The following INTS1 variants were observed in gnomAD, a reference collection of about 807,000 sequenced individuals.
INTS1 encodes integrator complex subunit 1.
Under a neutral mutation model 241.6 loss-of-function variants are expected in INTS1, and 137 were observed. The ratio of observed to expected loss-of-function variants is 0.57; its 90% CI spans 0.49 to 0.65. The LOEUF (loss-of-function observed/expected upper bound fraction) is 0.65, where lower values mean the gene tolerates loss of function less well. Among genes scored for constraint, INTS1 ranks in the 30% least tolerant of loss-of-function variants. The probability of loss-of-function intolerance (pLI) is 0.00; values close to 1 mark genes in which losing one functional copy is unlikely to be tolerated. For missense variants in INTS1, 3,073 were observed against 3,032.2 expected (o/e 1.01, Z -0.32); for synonymous variants, 1,692 against 1,337.8 (o/e 1.26, Z -5.78).
chr7:1,489,025 A>G (rs10230455), intron 18 of INTS1, among the ~76,000 whole-genome samples: 81,517 of 151,592 alleles, frequency 0.54, 23,707 homozygotes, highest in African/African-American at 0.77. Context: ...GTCCTCCAGC[A>G]TCGCACCACC....
rs1323422416 is a variant in INTS1 at position 1,471,227 on chromosome 7, G to A, written c.6256-3C>T. 1 of 1,573,438 alleles carries A rather than the reference G, an allele frequency of 6.4e-7. No homozygotes were observed. Among genetic ancestry groups the A allele is most frequent in the African/African-American group, 1.3e-5 (1 of 74,092 alleles). The stretch of plus-strand genomic sequence containing the variant: ...CTCATCAGCCGCTGCAGGTTGGTCT[G>A]ACCGGGGGAAAGGTGGGAGGTGTGT... On this transcript the variant is annotated splice_polypyrimidine_tract_variant and splice_region_variant and intron_variant, in intron 45 of 47. Coordinates refer to ENST00000404767, the MANE Select transcript of INTS1 (RefSeq NM_001080453.3).
intron 20 of INTS1, 48 bp downstream of exon 20, chr7:1,487,272 G>A (rs563877253): frequency 2.6e-5 from 40 of 1,553,142 alleles, no homozygotes; most frequent in Middle Eastern, 1.7e-4. Context: ...GGAAGGTTCC[G>A]GGCCTCCCAA....
intron 29 of INTS1, 31 bp from the exon 30 acceptor site, chr7:1,480,472 G>A: frequency 6.2e-7 from 1 of 1,604,506 alleles, no homozygotes; most frequent in Non-Finnish European, 8.5e-7. Flanking sequence ...TCAGTGGCTG[G>A]ACACTTTCTG....
intron 16 of INTS1, among the ~76,000 whole-genome samples, chr7:1,490,472 A>G (rs768465496): frequency 7.9e-5 from 12 of 152,124 alleles, no homozygotes; most frequent in African/African-American, 9.7e-5. Flanking sequence ...AAAGGGTGTC[A>G]GCTCCGGATA....
At chr7:1,487,598 C>T (rs1027929288) in intron 19 of INTS1, 149 bp from the exon 20 acceptor site, 52 of 1,285,170 alleles carry the variant, frequency 4.0e-5, no homozygotes, top group Non-Finnish European at 5.4e-5. Context: ...GGCCTGGCCC[C>T]ACAGCAGTAA....
In INTS1 at chr7:1,495,431, A is replaced by C. The variant is rs1424172146; in HGVS notation, c.1832+2T>G. On this transcript the variant is annotated splice_donor_variant, in intron 13 of 47. Coordinates refer to ENST00000404767, the MANE Select transcript of INTS1 (RefSeq NM_001080453.3). LOFTEE classifies it high-confidence loss of function. ...AGGGGCTGTACAGGGCCCCAGCCGC[A>C]CCAGTGCACGTAGTCCTTAGGGGCG... The C allele has an allele frequency of 6.2e-7, 1 of 1,608,368 alleles. No individual in the cohort carries two copies. Among genetic ancestry groups the C allele is most frequent in the South Asian group, 1.1e-5 (1 of 90,962 alleles).
intron 8 of INTS1, 27 bp downstream of exon 8, chr7:1,498,938 CCCCTGCCCCG>C: frequency 7.1e-7 from 1 of 1,407,472 alleles, no homozygotes; most frequent in Non-Finnish European, 9.7e-7. Context: ...CTGCCCCCAC[CCCCTGCCCCG>C]CCCACCCCCC....
At chr7:1,471,767 G>T in intron 44 of INTS1, 126 bp from the exon 45 acceptor site, 1 of 816,286 alleles carries the variant, frequency 1.2e-6, no homozygotes, top group Non-Finnish European at 2.0e-6. Flanking sequence ...GAAAGCATGA[G>T]CCCAGTGACG....
chr7:1,480,227 T>C (rs1271403267), intron 30 of INTS1, 90 bp downstream of exon 30: 2 of 1,441,642 alleles, frequency 1.4e-6, no homozygotes, highest in East Asian at 4.9e-5. Context: ...GTCACGCAAG[T>C]AAAGGCCGCT....
chr7:1,492,211 G>A (rs1035580371), intron 16 of INTS1, among the ~76,000 whole-genome samples: 2 of 152,240 alleles, frequency 1.3e-5, no homozygotes, highest in Admixed American at 6.5e-5. Context: ...CAGCAGGGGA[G>A]CGGAAGCAGC....
At chr7:1,503,305 AG>A in intron 2 of INTS1, 114 bp from the exon 3 acceptor site, 1 of 1,164,038 alleles carries the variant, frequency 8.6e-7, no homozygotes, top group Non-Finnish European at 1.2e-6. Flanking sequence ...AGAGGAGGCA[AG>A]GAAGAAGCCA....
rs778582471 is a variant in INTS1 at position 1,497,191 on chromosome 7, G to A, written c.1549C>T (p.Leu517=). 2 of 1,612,034 alleles carry A rather than the reference G, an allele frequency of 1.2e-6. No individual in the cohort carries two copies. Among genetic ancestry groups the A allele is most frequent in the South Asian group, 1.1e-5 (1 of 90,798 alleles). The change falls in exon 11 of 48, where the codon CTG becomes TTG. Residue 517 remains leucine (L), a synonymous_variant. Transcript: ENST00000404767. This position sits in a 1 kb window ranked among gnomAD's most constrained non-coding sequence, Gnocchi z 5.3. ...TCCTTGCGCTCCTGCATGAGCCCCAGGCAGAAGGCCTGGAAGTTGATCTCG... is the reference window on the plus strand; with the variant it reads ...TCCTTGCGCTCCTGCATGAGCCCCAAGCAGAAGGCCTGGAAGTTGATCTCG... ...KHEINFQAFC[L]GLMQERKEPQ...
In INTS1 at chr7:1,475,936, T is replaced by C; in HGVS notation, c.5502+12A>G. 1 of 1,534,392 alleles carries C rather than the reference T, an allele frequency of 6.5e-7. No individual in the cohort carries two copies. ...GGGACGGCGGCGGGGAGCGGCAGAG[T>C]TGCGCCCTCACCTTGCAGACGCTGC... On this transcript the variant is annotated intron_variant, in intron 39 of 47. Coordinates refer to ENST00000404767, the MANE Select transcript of INTS1 (RefSeq NM_001080453.3).
intron 16 of INTS1, among the ~76,000 whole-genome samples, chr7:1,490,555 G>T (rs1050837784): frequency 6.6e-6 from 1 of 152,092 alleles, no homozygotes; most frequent in African/African-American, 2.4e-5. Context: ...TCTGGATAAA[G>T]GGAAACCCCT....
chr7:1,488,913 G>A (rs923832674), intron 18 of INTS1, among the ~76,000 whole-genome samples: 8 of 152,232 alleles, frequency 5.3e-5, no homozygotes, highest in Admixed American at 1.3e-4. Flanking sequence ...CTGATCCCAC[G>A]CAGGGTCACA....
At chr7:1,503,858 G>GTCCCCC in intron 2 of INTS1, 45 bp downstream of exon 2, 2 of 1,431,842 alleles carry the variant, frequency 1.4e-6, no homozygotes, top group Non-Finnish European at 1.9e-6. Context: ...GACCCCCAAA[G>GTCCCCC]ACCCCCAAAG....
rs1433804258 is a variant in INTS1 at position 1,476,012 on chromosome 7, A to G, written c.5438T>C (p.Leu1813Pro). The G allele has an allele frequency of 1.9e-6, 3 of 1,545,880 alleles. No individual in the cohort carries two copies. Among genetic ancestry groups the G allele is most frequent in the Non-Finnish European group, 2.6e-6 (3 of 1,146,722 alleles). The change falls in exon 39 of 48, where the codon CTG becomes CCG. Residue 1813 changes from leucine (L) to proline (P), a missense_variant. Physicochemically the swap from Leu to Pro is moderately conservative, Grantham distance 98 (BLOSUM62 -3). Transcript: ENST00000404767. ...TAGGACCTCAGGCACGGGCACCCGC[A>G]GCTCCGGCCGCTGTAGGTAGAGCTG... ...LLQLYLQRPE[L>P]RVPVPEVLLH...
Position 1,472,386 on chromosome 7 carries a change from TC to T in INTS1, c.6071-1del. ...GGGCAAGGAGCCGGCTGAGCTCTCC[TC>T]TGGAAGACAGTGGCAGTGCTGCAGG... On this transcript the variant is annotated splice_acceptor_variant, in intron 43 of 47. Coordinates refer to ENST00000404767, the MANE Select transcript of INTS1 (RefSeq NM_001080453.3). LOFTEE classifies it high-confidence loss of function. 1 of 1,540,456 alleles carries T rather than the reference TC, an allele frequency of 6.5e-7. No individual in the cohort carries two copies. The highest frequency in any genetic ancestry group is 8.8e-7 in the Non-Finnish European group (1 of 1,139,132).
At chr7:1,472,118 G>A (rs1276630386) in intron 44 of INTS1, 155 bp downstream of exon 44, 5 of 630,404 alleles carry the variant, frequency 7.9e-6, no homozygotes, top group African/African-American at 7.3e-5. Flanking sequence ...CTCTCTGGGG[G>A]TGCTCCCCAC....
Sources: gnomAD v4.1 joint callset for allele counts (sites outside exome capture counted in the v4.1 genomes callset) on GRCh38, gnomAD v4.1.1 for gene constraint, Gnocchi (gnomAD v3.1) non-coding constraint, MANE v1.5 for transcripts, NCBI Gene and HGNC (gene_info 2026-07-23, HGNC 2026-07-21) for gene names.